The following NETO1 variants were observed in gnomAD, a reference collection of about 807,000 sequenced individuals.
NETO1 encodes the protein neuropilin and tolloid like 1, also known as neuropilin and tolloid-like protein 1.
Under a neutral mutation model 61.3 loss-of-function variants are expected in NETO1, and 26 were observed. The observed-to-expected ratio is 0.42, with a 90% CI of 0.31 to 0.59. The LOEUF is 0.59. Ranked by LOEUF, NETO1 falls within the 20% of genes least tolerant of loss-of-function variation. The pLI, the probability that NETO1 is intolerant of heterozygous loss-of-function variation, is 0.12. For synonymous variants in NETO1, 225 were observed against 225.8 expected (o/e 1.00, Z 0.03); for missense variants, 531 against 662.8 (o/e 0.80, Z 2.18).
chr18:72,858,757 A>C (rs1436714249), intron 4 of NETO1, 69 bp downstream of exon 4: 22 of 1,421,776 alleles, frequency 1.5e-5, no homozygotes, highest in Non-Finnish European at 2.0e-5. Flanking sequence ...TGTCTTACAC[A>C]AGATTTTGTA....
chr18:72,795,270 G>C (rs192716119), intron 4 of NETO1, among the ~76,000 whole-genome samples: 36 of 152,176 alleles, frequency 2.4e-4, no homozygotes, highest in Non-Finnish European at 5.0e-4. Flanking sequence ...AGTTTTCCTC[G>C]TAATAGAGAC....
intron 7 of NETO1, among the ~76,000 whole-genome samples, chr18:72,772,825 C>CTCTCTATATATATA (rs1568187563): frequency 2.4e-5 from 1 of 40,866 alleles, no homozygotes; most frequent in African/African-American, 1.1e-4. Flanking sequence ...CTCTCTCTCT[C>CTCTCTATATATATA]TATATATATA....
intron 4 of NETO1, chr18:72,834,796 C>T (rs2073691223): frequency 1.0e-6 from 1 of 984,686 alleles, no homozygotes; most frequent in South Asian, 4.7e-5. Flanking sequence ...GAAACTAAAG[C>T]AAAACTCCTC....
At chr18:72,805,132 T>C (rs1421241122) in intron 4 of NETO1, among the ~76,000 whole-genome samples, 2 of 152,200 alleles carry the variant, frequency 1.3e-5, no homozygotes. Flanking sequence ...GCAGCACCAA[T>C]ATTTAACTGC....
chr18:72,755,566 G>A (rs1449210115), intron 8 of NETO1, among the ~76,000 whole-genome samples: 5 of 152,158 alleles, frequency 3.3e-5, no homozygotes, highest in Non-Finnish European at 7.4e-5. Context: ...AGGAAGAAAA[G>A]CATTTTCGTA....
chr18:72,839,795 TGTTATAA>T (rs1314463701), intron 4 of NETO1, among the ~76,000 whole-genome samples: 1 of 508 alleles, frequency 2.0e-3, no homozygotes, highest in Non-Finnish European at 0.023. Context: ...GTTTAAGACA[TGTTATAA>T]GTTTTTTGTC....
intron 7 of NETO1, among the ~76,000 whole-genome samples, chr18:72,773,551 G>A (rs902294916): frequency 1.3e-5 from 2 of 152,104 alleles, no homozygotes; most frequent in Non-Finnish European, 2.9e-5. Context: ...TCAAGCGCAG[G>A]AACAGGTGGA....
intron 4 of NETO1, among the ~76,000 whole-genome samples, chr18:72,804,886 T>G (rs1389066602): frequency 6.6e-6 from 1 of 152,238 alleles, no homozygotes; most frequent in Admixed American, 6.5e-5. Context: ...TCATCCTTAA[T>G]ATTCTCCTTT....
intron 3 of NETO1, among the ~76,000 whole-genome samples, chr18:72,863,719 T>C (rs1411503675): frequency 6.6e-6 from 1 of 152,184 alleles, no homozygotes; most frequent in Non-Finnish European, 1.5e-5. Context: ...GCCTGCTTCT[T>C]TGAAAAATCT....
intron 4 of NETO1, among the ~76,000 whole-genome samples, chr18:72,841,756 A>AAAAAAAAC (rs1568249501): frequency 1.3e-5 from 2 of 150,434 alleles, no homozygotes; most frequent in Non-Finnish European, 3.0e-5. Context: ...AAAAAAAAAA[A>AAAAAAAAC]AGTCACTTTA....
intron 4 of NETO1, among the ~76,000 whole-genome samples, chr18:72,843,647 A>T (rs1473000141): frequency 1.3e-5 from 2 of 152,154 alleles, no homozygotes; most frequent in Non-Finnish European, 2.9e-5. Context: ...TTTGGTAACC[A>T]GCCTCAGGAA....
intron 3 of NETO1, among the ~76,000 whole-genome samples, chr18:72,860,224 G>T (rs1161404349): frequency 1.3e-5 from 2 of 152,294 alleles, no homozygotes; most frequent in African/African-American, 4.8e-5. Flanking sequence ...CCCTCTGAGT[G>T]CTTCCCTGCT....
chr18:72,750,765 G>T, intron 8 of NETO1, 145 bp from the exon 9 acceptor site: 1 of 553,072 alleles, frequency 1.8e-6, no homozygotes, highest in South Asian at 3.4e-5. Flanking sequence ...AATAACTTAA[G>T]AAAATATTTA....
rs112923043 is a variant in NETO1 at position 72,764,241 on chromosome 18, T to A, written c.869-8094A>T. ...GAATATTTACTAAAGCTTACTTTTT[T>A]AAATTAAAACTTCTAACCCTTGGGA... On this transcript the variant is annotated intron_variant, in intron 7 of 10. Coordinates refer to ENST00000327305, the MANE Select transcript of NETO1 (RefSeq NM_138966.5). Among the ~76,000 whole-genome samples the A allele has an allele frequency of 3.8e-3, 572 of 152,304 alleles. 13 individuals carry two copies. The South Asian group carries it at 0.068, about 18-fold the overall frequency.
intron 2 of NETO1, 69 bp from the exon 3 acceptor site, chr18:72,865,014 A>G (rs1599198776): frequency 1.3e-6 from 2 of 1,513,140 alleles, no homozygotes; most frequent in African/African-American, 2.8e-5. Context: ...AAAATAGAGG[A>G]CATTCTTATA....
intron 4 of NETO1, among the ~76,000 whole-genome samples, chr18:72,813,239 G>C (rs1052946110): frequency 6.6e-6 from 1 of 152,162 alleles, no homozygotes; most frequent in African/African-American, 2.4e-5. Context: ...CCTCAAATAC[G>C]TAAGACCCGG....
At chr18:72,756,604 T>G (rs941832560) in intron 7 of NETO1, among the ~76,000 whole-genome samples, 1 of 152,116 alleles carries the variant, frequency 6.6e-6, no homozygotes, top group Non-Finnish European at 1.5e-5. Context: ...GCAAACCCTG[T>G]AACATTACTT....
At position 72,752,458 on chromosome 18, in the gene NETO1, G is replaced by A. The variant is rs76487816; in HGVS notation, c.983-1838C>T. 1.3e-4 allele frequency among the ~76,000 whole-genome samples: 20 copies of A among 152,242 alleles called. No individual in the cohort carries two copies. The East Asian group carries it at 3.9e-3, about 29-fold the overall frequency. On this transcript the variant is annotated intron_variant, in intron 8 of 10. Coordinates refer to ENST00000327305, the MANE Select transcript of NETO1 (RefSeq NM_138966.5). ...CGAAGTCCAAGGCGGTGGCCTCTGT[G>A]GTGCAGCATCAGAGGCTTCACTAAA...
intron 6 of NETO1, among the ~76,000 whole-genome samples, chr18:72,793,023 C>G (rs185162951): frequency 6.6e-6 from 1 of 152,140 alleles, no homozygotes; most frequent in East Asian, 1.9e-4. Context: ...TCTGTTATAC[C>G]TTACAAATAC....
Sources: allele counts gnomAD v4.1 joint callset (sites outside exome capture counted in the v4.1 genomes callset), GRCh38; gene constraint gnomAD v4.1.1; transcripts MANE v1.5; gene names NCBI Gene and HGNC (gene_info 2026-07-23, HGNC 2026-07-21).